Variants in CAP2 observed in about 807,000 individuals in gnomAD.
CAP2 encodes the protein cyclase associated actin cytoskeleton regulatory protein 2.
Under a neutral mutation model 57.7 loss-of-function variants are expected in CAP2, and 24 were observed. The observed-to-expected ratio is 0.42, with a 90% CI of 0.30 to 0.58. The LOEUF (loss-of-function observed/expected upper bound fraction) is 0.58, where lower values mean the gene tolerates loss of function less well. CAP2 is among the 20% of genes least tolerant of loss of function. CAP2 has a pLI of 0.22. For missense variants in CAP2, 501 were observed against 590.3 expected (o/e 0.85, Z 1.57); for synonymous variants, 194 against 207.2 (o/e 0.94, Z 0.55).
In CAP2 at chr6:17,475,021, C is replaced by T. The variant is rs2113614123; in HGVS notation, c.300+11948C>T. Among the ~76,000 whole-genome samples, 2 of 152,054 alleles carry T rather than the reference C, an allele frequency of 1.3e-5. 1 individual carries two copies. The highest frequency in any genetic ancestry group is 4.8e-5 in the African/African-American group (2 of 41,476). The stretch of plus-strand genomic sequence containing the variant: ...ACCAGCCTGACCAACATAGTGAAAC[C>T]CCGTCTCTACTAAAAATACAAAAAT... On this transcript the variant is annotated intron_variant, in intron 4 of 12. Transcript: ENST00000229922.
At chr6:17,397,608 T>A (rs555090242) in intron 1 of CAP2, among the ~76,000 whole-genome samples, 3 of 140,436 alleles carry the variant, frequency 2.1e-5, no homozygotes, top group Non-Finnish European at 4.5e-5. Context: ...GGCAGGAGAA[T>A]GGCGTGAACC....
intron 3 of CAP2, among the ~76,000 whole-genome samples, chr6:17,436,393 A>G (rs745950671): frequency 2.1e-4 from 32 of 152,170 alleles, no homozygotes; most frequent in Non-Finnish European, 4.3e-4. Context: ...TTGGCCTCCC[A>G]AAGTGCTGGG....
chr6:17,487,431 C>T (rs1289117261), intron 4 of CAP2, among the ~76,000 whole-genome samples: 2 of 151,624 alleles, frequency 1.3e-5, no homozygotes, highest in Non-Finnish European at 2.9e-5. Context: ...GCAGCCTCAT[C>T]ACCCAGAATG....
chr6:17,547,568 A>G (rs80319728), intron 11 of CAP2, among the ~76,000 whole-genome samples: 3,785 of 152,278 alleles, frequency 0.025, 92 homozygotes, highest in African/African-American at 0.061. Context: ...CTGACCGGGC[A>G]CGGTGGCTCA....
chr6:17,507,076 G>T (rs1762006224), intron 4 of CAP2, 93 bp from the exon 5 acceptor site: 7 of 1,242,844 alleles, frequency 5.6e-6, no homozygotes, highest in Middle Eastern at 1.9e-4. Context: ...CAGACGGCAG[G>T]TCCTGAATTC....
At chr6:17,547,929 T>C (rs1481011546) in intron 11 of CAP2, among the ~76,000 whole-genome samples, 1 of 151,652 alleles carries the variant, frequency 6.6e-6, no homozygotes, top group Non-Finnish European at 1.5e-5. Context: ...AATGCCCTTA[T>C]TTCCCAACAA....
chr6:17,478,153 G>A lies in CAP2; in HGVS notation c.300+15080G>A, dbSNP rs983779836. On this transcript the variant is annotated intron_variant, in intron 4 of 12. Coordinates refer to ENST00000229922, the MANE Select transcript of CAP2 (RefSeq NM_006366.3). ...GACCCCTCGGTTGCTTTTTTTCCTT[G>A]AGACAAGGTCTTGCTCTGTTACCCA... Among the ~76,000 whole-genome samples the A allele has an allele frequency of 2.0e-5, 3 of 150,450 alleles. 1 individual carries two copies. The South Asian group carries it at 6.3e-4, about 32-fold the overall frequency.
intron 1 of CAP2, among the ~76,000 whole-genome samples, chr6:17,409,668 T>A (rs1302535387): frequency 6.6e-6 from 1 of 152,100 alleles, no homozygotes; most frequent in Non-Finnish European, 1.5e-5. Context: ...GAGCTTTAGG[T>A]CCCTACTCGT....
At chr6:17,402,085 A>T (rs1486392671) in intron 1 of CAP2, among the ~76,000 whole-genome samples, 2 of 152,226 alleles carry the variant, frequency 1.3e-5, no homozygotes, top group Non-Finnish European at 2.9e-5. Context: ...CCAAAGGTAC[A>T]TGTGCACAGG....
chr6:17,527,716 T>G (rs550447709), intron 7 of CAP2, among the ~76,000 whole-genome samples: 2 of 151,770 alleles, frequency 1.3e-5, no homozygotes, highest in South Asian at 4.2e-4. Context: ...GTGCCTCAGC[T>G]TTCTGAGTAG....
chr6:17,472,955 A>G (rs980508949), intron 4 of CAP2, among the ~76,000 whole-genome samples: 4 of 152,132 alleles, frequency 2.6e-5, no homozygotes, highest in Non-Finnish European at 5.9e-5. Flanking sequence ...TGGTAGCTTT[A>G]TAGGTATTTA....
At chr6:17,429,350 T>C (rs991403898) in intron 3 of CAP2, among the ~76,000 whole-genome samples, 1 of 152,248 alleles carries the variant, frequency 6.6e-6, no homozygotes, top group Non-Finnish European at 1.5e-5. Context: ...ATTAGGCTTC[T>C]GAGGTACACA....
At chr6:17,502,358 C>A (rs1260724113) in intron 4 of CAP2, among the ~76,000 whole-genome samples, 1 of 152,176 alleles carries the variant, frequency 6.6e-6, no homozygotes, top group Non-Finnish European at 1.5e-5. Flanking sequence ...CTAATGTTCT[C>A]TTCTATTTTT....
At chr6:17,502,246 ATACTGAAACAAGT>A (rs1761843676) in intron 4 of CAP2, among the ~76,000 whole-genome samples, 1 of 152,174 alleles carries the variant, frequency 6.6e-6, no homozygotes, top group Non-Finnish European at 1.5e-5. Flanking sequence ...TATACGCTTA[ATACTGAAACAAGT>A]TGAAGTACCT....
At chr6:17,407,449 A>G (rs1581491649) in intron 1 of CAP2, among the ~76,000 whole-genome samples, 2 of 151,638 alleles carry the variant, frequency 1.3e-5, no homozygotes, top group East Asian at 3.9e-4. Flanking sequence ...ACTGCACTCC[A>G]GCCTGGGCAG....
At chr6:17,435,960 C>T (rs1385963185) in intron 3 of CAP2, among the ~76,000 whole-genome samples, 1 of 152,096 alleles carries the variant, frequency 6.6e-6, no homozygotes, top group Non-Finnish European at 1.5e-5. Flanking sequence ...AAATGGGATT[C>T]CAGGGTGTAT....
chr6:17,446,271 G>A (rs2113571315), intron 3 of CAP2, among the ~76,000 whole-genome samples: 1 of 152,270 alleles, frequency 6.6e-6, no homozygotes, highest in Middle Eastern at 3.4e-3. Flanking sequence ...TGACACCTAG[G>A]GGAATGTGAG....
chr6:17,480,999 G>A (rs905413590), intron 4 of CAP2, among the ~76,000 whole-genome samples: 20 of 131,294 alleles, frequency 1.5e-4, no homozygotes, highest in Non-Finnish European at 3.1e-4. Flanking sequence ...GGGTTTCACC[G>A]TGTTGGCCAG....
At chr6:17,532,959 G>C in intron 7 of CAP2, among the ~76,000 whole-genome samples, 1 of 151,026 alleles carries the variant, frequency 6.6e-6, no homozygotes, top group East Asian at 2.0e-4. Flanking sequence ...CAGCTACTCG[G>C]GAGGCTGAGG....
Sources: gnomAD v4.1 joint callset for allele counts (sites outside exome capture counted in the v4.1 genomes callset) on GRCh38, gnomAD v4.1.1 for gene constraint, MANE v1.5 for transcripts, NCBI Gene and HGNC (gene_info 2026-07-23, HGNC 2026-07-21) for gene names.